Variants in DENND1A observed in about 807,000 individuals in gnomAD.
The protein encoded by DENND1A is DENN domain-containing protein 1A.
Under a neutral mutation model 113.7 loss-of-function variants are expected in DENND1A, and 51 were observed. That is an observed-to-expected ratio of 0.45 (90% confidence interval 0.36 to 0.57). The LOEUF (loss-of-function observed/expected upper bound fraction) is 0.57. DENND1A is among the 20% of genes least tolerant of loss of function. The pLI is 0.00. For synonymous variants in DENND1A, 565 were observed against 570.8 expected, an observed-to-expected ratio of 0.99 and a Z score of 0.14; for missense variants, 1,258 against 1,395.9, an observed-to-expected ratio of 0.90 and a Z score of 1.57.
intron 15 of DENND1A, among the ~76,000 whole-genome samples, chr9:123,456,427 T>C (rs1429707678): frequency 3.9e-5 from 6 of 152,158 alleles, no homozygotes; most frequent in African/African-American, 1.4e-4. Context: ...CTCTGGGCCT[T>C]AGATGCCTCC....
At chr9:123,679,446 T>C (rs1310243392) in intron 5 of DENND1A, among the ~76,000 whole-genome samples, 1 of 152,204 alleles carries the variant, frequency 6.6e-6, no homozygotes, top group Non-Finnish European at 1.5e-5. Flanking sequence ...TTGGCTATGC[T>C]AAGCAGAACC....
rs1297227122 is a variant in DENND1A, at chr9:123,398,984, C to T, written c.1631+4418G>A. Among the ~76,000 whole-genome samples the T allele has an allele frequency of 4.0e-5, 6 of 151,496 alleles. No individual in the cohort carries two copies. In the East Asian group the frequency reaches 5.9e-4, roughly 15 times the overall value. On this transcript the variant is annotated intron_variant, in intron 21 of 23. Transcript: ENST00000394215. ...TAATTTTTTGTGTTTTTAGTAGAGA[C>T]GGGGTTTCGCCATGTTAGCCAGGCT...
Position 123,840,893 on chromosome 9 carries a change from C to T in DENND1A, c.88+38058G>A, listed in dbSNP as rs187669298. Among the ~76,000 whole-genome samples the T allele has an allele frequency of 2.0e-3, 301 of 152,216 alleles. 4 individuals carry two copies. The highest frequency in any genetic ancestry group is 6.9e-4 in the Non-Finnish European group (47 of 68,010). On this transcript the variant is annotated intron_variant, in intron 2 of 23. Coordinates refer to ENST00000394215, the MANE Select transcript of DENND1A (RefSeq NM_001352964.2). ...TATTATATCTTTTCTGGTTTTATTGCCTCATTTTACAATTATGCTACTAAA... is the reference window on the plus strand; with the variant it reads ...TATTATATCTTTTCTGGTTTTATTGTCTCATTTTACAATTATGCTACTAAA...
intron 21 of DENND1A, chr9:123,401,716 G>A (rs1378515687): frequency 1.9e-6 from 3 of 1,592,550 alleles, no homozygotes; most frequent in Non-Finnish European, 2.6e-6. Context: ...CAGTTCAGGT[G>A]ATAAGCAGGA....
chr9:123,443,692 C>A lies in DENND1A; in HGVS notation c.1357-3201G>T, dbSNP rs76938400. 2.0e-5 allele frequency among the ~76,000 whole-genome samples: 3 copies of A among 152,296 alleles called. No homozygotes were observed. In the South Asian group the frequency reaches 6.2e-4, roughly 32 times the overall value. The stretch of plus-strand genomic sequence containing the variant: ...ATAAGAGGCTGGGTGTGGAGGCTCA[C>A]GCCGGTAATCCCAGCACTTTAGGGG... On this transcript the variant is annotated intron_variant, in intron 18 of 23. Coordinates refer to ENST00000394215, the MANE Select transcript of DENND1A (RefSeq NM_001352964.2).
chr9:123,802,880 TTA>T (rs1251876846), intron 2 of DENND1A, among the ~76,000 whole-genome samples: 1 of 152,138 alleles, frequency 6.6e-6, no homozygotes, highest in African/African-American at 2.4e-5. Context: ...TTTTGTACTT[TTA>T]GTAGAGTCGG....
chr9:123,490,090 T>C (rs554529173), intron 13 of DENND1A, among the ~76,000 whole-genome samples: 2 of 152,310 alleles, frequency 1.3e-5, no homozygotes, highest in Non-Finnish European at 2.9e-5. Flanking sequence ...AAAAATCACC[T>C]TTAGAAGTAC....
chr9:123,824,520 C>CT (rs1002013992), intron 2 of DENND1A, among the ~76,000 whole-genome samples: 6 of 149,718 alleles, frequency 4.0e-5, no homozygotes, highest in East Asian at 1.9e-4. Context: ...ATACTGTTAA[C>CT]TTTTTTTTTT....
At chr9:123,476,106 C>A (rs191908410) in intron 13 of DENND1A, among the ~76,000 whole-genome samples, 1 of 151,940 alleles carries the variant, frequency 6.6e-6, no homozygotes, top group East Asian at 1.9e-4. Context: ...AATGCTTGAA[C>A]TTGGGAGGTG....
At chr9:123,640,546 T>C (rs2061974583) in intron 9 of DENND1A, among the ~76,000 whole-genome samples, 1 of 152,076 alleles carries the variant, frequency 6.6e-6, no homozygotes, top group East Asian at 1.9e-4. Context: ...ATTCACTCCC[T>C]ATCTGCTATT....
chr9:123,529,535 C>G (rs2055126552), intron 13 of DENND1A, among the ~76,000 whole-genome samples: 1 of 151,598 alleles, frequency 6.6e-6, no homozygotes, highest in Non-Finnish European at 1.5e-5. Flanking sequence ...GGTATACAAA[C>G]AAACCTCAGT....
At chr9:123,472,747 TGCCCACCCC>T (rs1431797117) in intron 13 of DENND1A, among the ~76,000 whole-genome samples, 1 of 151,814 alleles carries the variant, frequency 6.6e-6, no homozygotes, top group African/African-American at 2.4e-5. Flanking sequence ...GGTGTGACCC[TGCCCACCCC>T]GCCCACCGCG....
chr9:123,557,675 C>T lies in DENND1A; in HGVS notation c.888G>A (p.Arg296=), dbSNP rs201054140. Residue 296 remains arginine, a synonymous_variant, in exon 13 of 24, where the codon AGG becomes AGA. Coordinates refer to ENST00000394215, the MANE Select transcript of DENND1A (RefSeq NM_001352964.2). ...PNDVISSLKN[R]LKKVSTTTGD... ...CAGTGGTTGTGGAGACCTTTTTCAGCCTGTTCTTCAGGGAAGAGATCTGGT... is the reference window on the plus strand; with the variant it reads ...CAGTGGTTGTGGAGACCTTTTTCAGTCTGTTCTTCAGGGAAGAGATCTGGT... 1.2e-6 allele frequency: 2 copies of T among 1,613,778 alleles called. No individual in the cohort carries two copies. Among genetic ancestry groups the T allele is most frequent in the Non-Finnish European group, 1.7e-6 (2 of 1,179,900 alleles).
At chr9:123,715,248 G>A (rs2066898212) in intron 5 of DENND1A, among the ~76,000 whole-genome samples, 1 of 152,104 alleles carries the variant, frequency 6.6e-6, no homozygotes, top group Non-Finnish European at 1.5e-5. Context: ...GGATTAGCAA[G>A]ACAAATGAGA....
At chr9:123,388,291 A>G (rs903593530) in intron 21 of DENND1A, among the ~76,000 whole-genome samples, 1 of 152,242 alleles carries the variant, frequency 6.6e-6, no homozygotes, top group African/African-American at 2.4e-5. Context: ...CTGCAATCAC[A>G]CCACATTCGC....
intron 13 of DENND1A, among the ~76,000 whole-genome samples, chr9:123,524,618 C>T (rs1163633541): frequency 1.3e-5 from 2 of 152,224 alleles, no homozygotes; most frequent in Non-Finnish European, 2.9e-5. Flanking sequence ...GGCCTGCAGG[C>T]TGCCAGTTTG....
intron 2 of DENND1A, among the ~76,000 whole-genome samples, chr9:123,847,706 G>A (rs955047580): frequency 3.9e-5 from 6 of 152,170 alleles, no homozygotes; most frequent in South Asian, 2.1e-4. Context: ...AGGCCAAGGC[G>A]GCCAGATCAC....
intron 8 of DENND1A, among the ~76,000 whole-genome samples, chr9:123,660,089 A>G (rs2063153996): frequency 6.6e-6 from 1 of 152,208 alleles, no homozygotes; most frequent in Non-Finnish European, 1.5e-5. Context: ...ACAGGAACAA[A>G]AGCTTACAAA....
intron 10 of DENND1A, among the ~76,000 whole-genome samples, chr9:123,627,851 T>A (rs1173937889): frequency 6.6e-6 from 1 of 150,754 alleles, no homozygotes; most frequent in East Asian, 2.0e-4. Context: ...GGGGGCTGAG[T>A]GAGCTTCAGA....
Sources: gnomAD v4.1 joint callset for allele counts (sites outside exome capture counted in the v4.1 genomes callset) on GRCh38, gnomAD v4.1.1 for gene constraint, MANE v1.5 for transcripts, NCBI Gene and HGNC (gene_info 2026-07-23, HGNC 2026-07-21) for gene names.